Variants in ZNF229 observed in about 807,000 individuals in gnomAD.
ZNF229 encodes the protein zinc finger protein 229.
In ZNF229, 10 loss-of-function variants were observed where a neutral mutation model predicts 11.8. That is an observed-to-expected ratio of 0.85 (90% CI 0.52 to 1.44). The LOEUF (loss-of-function observed/expected upper bound fraction) is 1.44. Ranked by LOEUF, ZNF229 falls within the 40% of genes most tolerant of loss-of-function variation. The pLI is 0.00. For missense variants in ZNF229, 1,045 were observed against 1,015.1 expected (o/e 1.03, Z -0.40); for synonymous variants, 368 against 374.8 (o/e 0.98, Z 0.21).
rs758549071 is a variant in ZNF229 at position 44,429,935 on chromosome 19, C to T, written c.846G>A (p.Pro282=). ...NGFRDDADLP[P]HPRVPLKEKL... ...TCTCTTTCAAAGGTACTCTTGGATG[C>T]GGGGGAAGGTCTGCATCGTCCCTGA... Residue 282 remains proline, a synonymous_variant, in exon 6 of 6, where the codon CCG becomes CCA. Transcript: ENST00000614049. 171 of 1,613,772 alleles carry T rather than the reference C, an allele frequency of 1.1e-4. No homozygotes were observed. Among genetic ancestry groups the T allele is most frequent in the Non-Finnish European group, 1.2e-4 (139 of 1,179,910 alleles).
In ZNF229 at chr19:44,429,178, G is replaced by T; in HGVS notation, c.1603C>A (p.His535Asn). ...SFSYSSGLLM[H>N]QRLHTGEKPY... ...TTCTCTCCTGTGTGCAGTCTCTGATGCATGAGAAGCCCTGAGCTGTAACTG... is the reference window on the plus strand; with the variant it reads ...TTCTCTCCTGTGTGCAGTCTCTGATTCATGAGAAGCCCTGAGCTGTAACTG... The change falls in exon 6 of 6, where the codon CAT becomes AAT. Residue 535 changes from histidine to asparagine, a missense_variant. Physicochemically the swap from His to Asn is moderately conservative, Grantham distance 68. Coordinates refer to ENST00000614049, the MANE Select transcript of ZNF229 (RefSeq NM_014518.4). 2 of 1,614,082 alleles carry T rather than the reference G, an allele frequency of 1.2e-6. No homozygotes were observed. Among genetic ancestry groups the T allele is most frequent in the Non-Finnish European group, 1.7e-6 (2 of 1,180,024 alleles).
At chr19:44,442,158 G>C (rs1306917626) in intron 4 of ZNF229, among the ~76,000 whole-genome samples, 1 of 151,986 alleles carries the variant, frequency 6.6e-6, no homozygotes, top group Non-Finnish European at 1.5e-5. Context: ...TATACTTTTG[G>C]TAGGGTCTAC....
chr19:44,438,758 A>C (rs1971857245), intron 4 of ZNF229, among the ~76,000 whole-genome samples: 1 of 152,128 alleles, frequency 6.6e-6, no homozygotes, highest in Non-Finnish European at 1.5e-5. Context: ...ATAAAAACCT[A>C]AGAGGACCAG....
intron 4 of ZNF229, among the ~76,000 whole-genome samples, chr19:44,440,624 CTT>C (rs1407858590): frequency 1.3e-5 from 2 of 152,100 alleles, no homozygotes; most frequent in Non-Finnish European, 2.9e-5. Flanking sequence ...CTACACAAGA[CTT>C]AATACAAGAA....
At position 44,447,292 on chromosome 19, in the gene ZNF229, A is replaced by G. The variant is rs139233510; in HGVS notation, c.-178+221T>C. On this transcript the variant is annotated intron_variant, in intron 2 of 5. Coordinates refer to ENST00000614049, the MANE Select transcript of ZNF229 (RefSeq NM_014518.4). ...CCTGCGTTTCTTCAGCATGGCGCTG[A>G]AACAGTGTAAGCCTTTACTGACCCA... Among the ~76,000 whole-genome samples, 337 of 152,334 alleles carry G rather than the reference A, an allele frequency of 2.2e-3. 3 individuals carry two copies. Among genetic ancestry groups the G allele is most frequent in the African/African-American group, 7.8e-3 (324 of 41,572 alleles).
chr19:44,448,240 G>A (rs1972035806), intron 1 of ZNF229, 69 bp downstream of exon 1: 1 of 152,228 alleles, frequency 6.6e-6, no homozygotes. Context: ...GAGGGCTGCC[G>A]ACCCGGGCCC....
chr19:44,426,699 A>T lies in ZNF229; in HGVS notation c.*1604T>A, dbSNP rs1378654458. 1 of 152,010 alleles carries T rather than the reference A, an allele frequency of 6.6e-6. No individual in the cohort carries two copies. Among genetic ancestry groups the T allele is most frequent in the African/African-American group, 2.4e-5 (1 of 41,264 alleles). The allele number at this position is 152,010 out of a possible 1,614,324, so 9.4% of individuals were successfully genotyped here. A position where few individuals can be genotyped will look rare whatever the true frequency, so the allele number is the denominator to read the frequency against. ...GCTATTTTAAAAATGTTTTAAATTT[A>T]AAAACTCCACCTTCTGCATGCGTTT... On this transcript the variant is annotated 3_prime_UTR_variant, in exon 6 of 6. Coordinates refer to ENST00000614049, the MANE Select transcript of ZNF229 (RefSeq NM_014518.4).
At chr19:44,439,969 G>A (rs1266310087) in intron 4 of ZNF229, among the ~76,000 whole-genome samples, 1 of 152,050 alleles carries the variant, frequency 6.6e-6, no homozygotes, top group Non-Finnish European at 1.5e-5. Context: ...AGCTACAGAG[G>A]TTTAATACTA....
At position 44,427,574 on chromosome 19, in the gene ZNF229, T is replaced by C. The variant is rs1971600808; in HGVS notation, c.*729A>G. The stretch of plus-strand genomic sequence containing the variant: ...GCCACATTCTTTCAAAATTAACCTA[T>C]AAATTCAATGCAATGCCAATTAATA... On this transcript the variant is annotated 3_prime_UTR_variant, in exon 6 of 6. Coordinates refer to ENST00000614049, the MANE Select transcript of ZNF229 (RefSeq NM_014518.4). 6.6e-6 allele frequency: 1 copy of C among 152,082 alleles called. No homozygotes were observed. The highest frequency in any genetic ancestry group is 2.1e-4 in the South Asian group (1 of 4,834). 9.4% of individuals were successfully genotyped at this position (152,082 alleles called of 1,614,324 possible).
chr19:44,433,437 G>T (rs537105578), intron 4 of ZNF229, among the ~76,000 whole-genome samples: 1 of 152,120 alleles, frequency 6.6e-6, no homozygotes, highest in African/African-American at 2.4e-5. Flanking sequence ...ACTAGGAAGT[G>T]GGGGTGGGAG....
At chr19:44,436,464 T>G (rs7255453) in intron 4 of ZNF229, among the ~76,000 whole-genome samples, 1 of 152,110 alleles carries the variant, frequency 6.6e-6, no homozygotes, top group Non-Finnish European at 1.5e-5. Flanking sequence ...ACCATTTTTT[T>G]AATCAAATTT....
chr19:44,429,752 A>C lies in ZNF229; in HGVS notation c.1029T>G (p.Pro343=). The change falls in exon 6 of 6, where the codon CCT becomes CCG. Residue 343 remains proline (P), a synonymous_variant. Transcript: ENST00000614049. Reference sequence around the variant, plus strand: ...CACATCTATAGGGCATGTCTCCCACAGGGGCTCTGGGGTGGTTACGTATGT... The same window carrying C: ...CACATCTATAGGGCATGTCTCCCACCGGGGCTCTGGGGTGGTTACGTATGT... ...NTHIRNHPRA[P]VGDMPYRCDV... 1 of 1,614,068 alleles carries C rather than the reference A, an allele frequency of 6.2e-7. No homozygotes were observed. The highest frequency in any genetic ancestry group is 8.5e-7 in the Non-Finnish European group (1 of 1,180,018).
chr19:44,429,305 G>T lies in ZNF229; in HGVS notation c.1476C>A (p.Asp492Glu), dbSNP rs1186467357. 1.9e-6 allele frequency: 3 copies of T among 1,614,094 alleles called. No individual in the cohort carries two copies. The East Asian group carries it at 6.7e-5, about 36-fold the overall frequency. ...TGTGACTGAAACCTTTGCCACACTT[G>T]TCACACTGGTAGGGCCTCTCGCCGG... The part of the protein sequence containing the change: ...THTGERPYQC[D>E]KCGKGFSHNS... The change falls in exon 6 of 6, where the codon GAC (aspartate) becomes GAA (glutamate). Residue 492 changes from aspartate (D) to glutamate (E), a missense_variant. Asp to Glu is a conservative substitution (Grantham distance 45, BLOSUM62 2). Transcript: ENST00000614049.
chr19:44,434,921 G>A (rs1220221737), intron 4 of ZNF229, among the ~76,000 whole-genome samples: 1 of 152,016 alleles, frequency 6.6e-6, no homozygotes, highest in Non-Finnish European at 1.5e-5. Flanking sequence ...ATGGGGGGTG[G>A]GTCTTTCCCA....
rs765535580 is a variant in ZNF229 at position 44,442,816 on chromosome 19, C to T, written c.32G>A (p.Arg11Lys). ...CCACCCCCTCTATTAGCTGTCACCTCTTTTCTCATGCCTTGAGGTCAAAGT... is the reference window on the plus strand; with the variant it reads ...CCACCCCCTCTATTAGCTGTCACCTTTTTTCTCATGCCTTGAGGTCAAAGT... METLTSRHEK[R>K]ALHSQASAIS... The change falls in exon 3 of 6, where the codon AGA (arginine) becomes AAA (lysine). Residue 11 changes from arginine (R) to lysine (K), a missense_variant and splice_region_variant. Physicochemically the swap from Arg to Lys is conservative, Grantham distance 26 (BLOSUM62 2). Transcript: ENST00000614049. The T allele has an allele frequency of 3.9e-6, 6 of 1,541,008 alleles. No individual in the cohort carries two copies. In the South Asian group the frequency reaches 5.6e-5, roughly 14 times the overall value.
chr19:44,441,370 A>C (rs1162357094), intron 4 of ZNF229, among the ~76,000 whole-genome samples: 1 of 152,220 alleles, frequency 6.6e-6, no homozygotes, highest in Non-Finnish European at 1.5e-5. Context: ...AAAAGAAGTG[A>C]ATCAAATCTT....
intron 4 of ZNF229, among the ~76,000 whole-genome samples, chr19:44,439,150 T>C (rs575674893): frequency 6.3e-4 from 96 of 152,284 alleles, no homozygotes; most frequent in Admixed American, 2.6e-3. Context: ...CAAAACTGAT[T>C]GCTTACTTGA....
chr19:44,428,066 G>C lies in ZNF229; in HGVS notation c.*237C>G. The C allele has an allele frequency of 6.3e-6, 3 of 474,934 alleles. No homozygotes were observed. The highest frequency in any genetic ancestry group is 1.1e-5 in the Non-Finnish European group (3 of 270,222). The allele number at this position is 474,934 out of a possible 1,614,324, so 29.4% of individuals were successfully genotyped here. ...TTATTACTGAAACCACTGCTGCACT[G>C]TTTCTTTAAAGCCTACTCCGCTGCA... On this transcript the variant is annotated 3_prime_UTR_variant, in exon 6 of 6. Coordinates refer to ENST00000614049, the MANE Select transcript of ZNF229 (RefSeq NM_014518.4).
intron 4 of ZNF229, among the ~76,000 whole-genome samples, chr19:44,432,920 G>C (rs187173265): frequency 1.6e-4 from 24 of 152,134 alleles, no homozygotes; most frequent in African/African-American, 5.8e-4. Context: ...AGACAAGATA[G>C]CAGGAAGTTG....
Sources: gnomAD v4.1 joint callset for allele counts (sites outside exome capture counted in the v4.1 genomes callset) on GRCh38, gnomAD v4.1.1 for gene constraint, MANE v1.5 for transcripts, NCBI Gene and HGNC (gene_info 2026-07-23, HGNC 2026-07-21) for gene names.